Variants in UNC80 observed in about 807,000 individuals in gnomAD.
UNC80 encodes unc-80 subunit of NALCN channel complex, also known as protein unc-80 homolog.
A neutral mutation model predicts 384.6 loss-of-function variants in UNC80; 164 were observed. That is an observed-to-expected ratio of 0.43 (90% CI 0.38 to 0.49). UNC80 has a LOEUF of 0.49. Ranked by LOEUF, UNC80 falls within the 20% of genes least tolerant of loss-of-function variation. The pLI is 0.00. For missense variants in UNC80, 3,330 were observed against 4,143.0 expected (o/e 0.80, Z 5.39); for synonymous variants, 1,486 against 1,527.8 (o/e 0.97, Z 0.64).
At chr2:209,789,476 G>A in intron 5 of UNC80, 56 bp from the exon 6 acceptor site, 1 of 1,177,044 alleles carries the variant, frequency 8.5e-7, no homozygotes, top group East Asian at 2.3e-5. Flanking sequence ...ATGAACTTAT[G>A]AAATAAAAAG....
intron 11 of UNC80, among the ~76,000 whole-genome samples, chr2:209,818,772 T>G (rs1032603224): frequency 1.3e-5 from 2 of 152,254 alleles, no homozygotes; most frequent in African/African-American, 4.8e-5. Context: ...AAGCCAGTTA[T>G]AATTCACATT....
intron 25 of UNC80, among the ~76,000 whole-genome samples, chr2:209,886,056 C>T (rs1230167702): frequency 1.3e-5 from 2 of 151,806 alleles, no homozygotes; most frequent in Non-Finnish European, 2.9e-5. Flanking sequence ...AGCCACTGTG[C>T]CCAGCCTAAA....
intron 14 of UNC80, among the ~76,000 whole-genome samples, chr2:209,828,918 T>A (rs1021725795): frequency 6.6e-6 from 1 of 152,234 alleles, no homozygotes; most frequent in African/African-American, 2.4e-5. Context: ...TTCAAACTTT[T>A]TTTTTCATTA....
At chr2:209,968,018 C>T (rs1218519624) in intron 52 of UNC80, 1 of 155,000 alleles carries the variant, frequency 6.5e-6, no homozygotes, top group Non-Finnish European at 1.4e-5. Context: ...CTATATTTAA[C>T]ATAGCTAGTT....
chr2:209,973,384 C>A, intron 56 of UNC80, 114 bp downstream of exon 56: 1 of 1,001,690 alleles, frequency 1.0e-6, no homozygotes, highest in Non-Finnish European at 1.4e-6. Flanking sequence ...AGTTAAGTTC[C>A]AACTTAACTC....
At chr2:209,938,710 C>CTCTCTCTGTGTGTGTG (rs1491352008) in intron 42 of UNC80, among the ~76,000 whole-genome samples, 8 of 83,514 alleles carry the variant, frequency 9.6e-5, no homozygotes, top group African/African-American at 3.1e-4. Flanking sequence ...CTCTCTCTCT[C>CTCTCTCTGTGTGTGTG]TGTGTGTGTG....
At position 209,931,888 on chromosome 2, in the gene UNC80, A is replaced by T. The variant is rs368715414; in HGVS notation, c.5994+834A>T. ...ACCGGTACCAAAACATAAACAGTAC[A>T]TTTTGGTGGTTTTCAGTCTCTCTTG... On this transcript the variant is annotated intron_variant, in intron 38 of 64. Transcript: ENST00000673920. Among the ~76,000 whole-genome samples the T allele has an allele frequency of 1.1e-3, 164 of 152,278 alleles. 1 individual carries two copies. Among genetic ancestry groups the T allele is most frequent in the African/African-American group, 3.8e-3 (158 of 41,572 alleles).
intron 8 of UNC80, among the ~76,000 whole-genome samples, chr2:209,814,210 C>A (rs1252084892): frequency 2.6e-5 from 4 of 151,934 alleles, no homozygotes; most frequent in Non-Finnish European, 5.9e-5. Flanking sequence ...CGTGATGTAA[C>A]CTCTTTTGCA....
At chr2:209,833,233 T>TG (rs2081111709) in intron 16 of UNC80, among the ~76,000 whole-genome samples, 1 of 151,274 alleles carries the variant, frequency 6.6e-6, no homozygotes, top group Non-Finnish European at 1.5e-5. Flanking sequence ...GTAAGTGTTC[T>TG]TTAGGCTTCT....
chr2:209,931,042 A>T lies in UNC80; in HGVS notation c.5982A>T (p.Leu1994=), dbSNP rs2090822174. ...TTCCTGCTCAGACATCTCACATCCT[A>T]TTCAACTATTTGGTGAGTTATAAAT... ...GDFPAQTSHI[L]FNYLVGLIMY... is the part of the protein sequence containing the mutation. The change falls in exon 38 of 65, where the codon CTA becomes CTT. Residue 1994 remains leucine, a synonymous_variant. Transcript: ENST00000673920. 1 of 1,549,184 alleles carries T rather than the reference A, an allele frequency of 6.5e-7. No homozygotes were observed. Among genetic ancestry groups the T allele is most frequent in the Non-Finnish European group, 8.7e-7 (1 of 1,145,378 alleles).
chr2:209,923,319 G>T (rs1473251717), intron 35 of UNC80, among the ~76,000 whole-genome samples: 1 of 152,040 alleles, frequency 6.6e-6, no homozygotes, highest in African/African-American at 2.4e-5. Flanking sequence ...CTAATCCAAG[G>T]TCACAAAGAT....
chr2:209,937,498 T>TTTTTTTTGTC, intron 41 of UNC80, 31 bp from the exon 42 acceptor site: 1 of 1,418,854 alleles, frequency 7.0e-7, no homozygotes, highest in Non-Finnish European at 9.7e-7. Flanking sequence ...TTTTGAACTC[T>TTTTTTTTGTC]TTTTTTTGTC....
intron 2 of UNC80, among the ~76,000 whole-genome samples, chr2:209,774,341 AT>A (rs2076748042): frequency 6.6e-6 from 1 of 152,188 alleles, no homozygotes; most frequent in African/African-American, 2.4e-5. Flanking sequence ...GACACTTGAA[AT>A]CTCAGACTTT....
At chr2:209,950,696 T>A (rs550546191) in intron 47 of UNC80, among the ~76,000 whole-genome samples, 40 of 152,046 alleles carry the variant, frequency 2.6e-4, no homozygotes, top group Middle Eastern at 3.4e-3. Flanking sequence ...GTAGCTGGGA[T>A]TACAGGCATG....
intron 2 of UNC80, among the ~76,000 whole-genome samples, chr2:209,774,966 C>G (rs1460182588): frequency 6.6e-6 from 1 of 152,116 alleles, no homozygotes; most frequent in Non-Finnish European, 1.5e-5. Context: ...TCCAATAATA[C>G]AGTTTGAACA....
intron 23 of UNC80, among the ~76,000 whole-genome samples, chr2:209,877,722 G>T (rs2084908578): frequency 6.6e-6 from 1 of 152,166 alleles, no homozygotes; most frequent in African/African-American, 2.4e-5. Flanking sequence ...ATACAAAGGT[G>T]TCATTCCAGT....
In UNC80 at chr2:209,840,656, G is replaced by C. The variant is rs2081667615; in HGVS notation, c.3357+8G>C. On this transcript the variant is annotated splice_region_variant and intron_variant, in intron 20 of 64. Coordinates refer to ENST00000673920, the MANE Select transcript of UNC80 (RefSeq NM_001371986.1). Reference sequence around the variant, plus strand: ...ATCAGGCAAAGCTCCAAGGTAAACAGGACATAACTTGTGTAAGTGACTGTT... The same window carrying C: ...ATCAGGCAAAGCTCCAAGGTAAACACGACATAACTTGTGTAAGTGACTGTT... The C allele has an allele frequency of 1.3e-6, 2 of 1,550,216 alleles. No individual in the cohort carries two copies. The highest frequency in any genetic ancestry group is 1.2e-5 in the South Asian group (1 of 83,982).
chr2:209,789,167 A>G (rs2153825456), intron 5 of UNC80, among the ~76,000 whole-genome samples: 1 of 152,318 alleles, frequency 6.6e-6, no homozygotes, highest in Admixed American at 6.5e-5. Context: ...CTAACAACAC[A>G]TTTCTCAGAA....
intron 31 of UNC80, among the ~76,000 whole-genome samples, chr2:209,914,649 CTG>C (rs200222549): frequency 0.03 from 3,815 of 127,886 alleles, 119 homozygotes; most frequent in African/African-American, 0.081. Context: ...CTAGGGTAAA[CTG>C]TGTGTGTGTG....
Sources: gnomAD v4.1 joint callset for allele counts (sites outside exome capture counted in the v4.1 genomes callset) on GRCh38, gnomAD v4.1.1 for gene constraint, MANE v1.5 for transcripts, NCBI Gene and HGNC (gene_info 2026-07-23, HGNC 2026-07-21) for gene names.